CAMTA1: variants seen among roughly 807,000 people sequenced by gnomAD.
CAMTA1 encodes the protein calmodulin-binding transcription activator 1.
In CAMTA1, 27 loss-of-function variants were observed where a neutral mutation model predicts 170.9. The observed-to-expected ratio is 0.16, with a 90% CI of 0.12 to 0.22. CAMTA1 has a LOEUF of 0.22. Ranked by LOEUF, CAMTA1 falls within the 10% of genes least tolerant of loss-of-function variation. The pLI, the probability that CAMTA1 is intolerant of heterozygous loss-of-function variation, is 1.00. For synonymous variants in CAMTA1, 833 were observed against 891.5 expected, an observed-to-expected ratio of 0.93 and a Z score of 1.17; for missense variants, 1,619 against 2,217.2, an observed-to-expected ratio of 0.73 and a Z score of 5.42.
At chr1:7,652,721 G>A (rs563184688) in intron 7 of CAMTA1, among the ~76,000 whole-genome samples, 2 of 152,222 alleles carry the variant, frequency 1.3e-5, no homozygotes, top group African/African-American at 4.8e-5. Flanking sequence ...TGCTGCTCAC[G>A]GCCAGCACCC....
At chr1:7,204,786 G>A (rs1369652866) in intron 4 of CAMTA1, among the ~76,000 whole-genome samples, 2 of 122,012 alleles carry the variant, frequency 1.6e-5, no homozygotes, top group Admixed American at 7.9e-5. Context: ...TATTATTATT[G>A]TTATTATTTT....
chr1:7,724,437 C>G (rs1311838933), intron 11 of CAMTA1, among the ~76,000 whole-genome samples: 1 of 152,084 alleles, frequency 6.6e-6, no homozygotes, highest in Non-Finnish European at 1.5e-5. Flanking sequence ...TAAAATTACT[C>G]GAAAAAATGT....
Position 7,580,844 on chromosome 1 carries a change from T to G in CAMTA1, c.511-59556T>G, listed in dbSNP as rs1243610881. Reference sequence around the variant, plus strand: ...CATCACAAGCCCATCCTTAGAGGGTTCAGAGTCATATGGTGTGAAACACCC... The same window carrying G: ...CATCACAAGCCCATCCTTAGAGGGTGCAGAGTCATATGGTGTGAAACACCC... On this transcript the variant is annotated intron_variant, in intron 6 of 22. Transcript: ENST00000303635. This position sits in a 1 kb window ranked among gnomAD's most constrained non-coding sequence, Gnocchi z 4.3. Among the ~76,000 whole-genome samples, 1 of 152,206 alleles carries G rather than the reference T, an allele frequency of 6.6e-6. No homozygotes were observed. The highest frequency in any genetic ancestry group is 1.5e-5 in the Non-Finnish European group (1 of 68,034).
rs2094718238 is a variant in CAMTA1, at chr1:7,547,792, T to C, written c.510+79891T>C. 6.6e-6 allele frequency among the ~76,000 whole-genome samples: 1 copy of C among 152,060 alleles called. No individual in the cohort carries two copies. Among genetic ancestry groups the C allele is most frequent in the Admixed American group, 6.6e-5 (1 of 15,256 alleles). Reference sequence around the variant, plus strand: ...TTATTCTTCCAACATAATCTCCCTGTACACAACCAGTCTCACATCTCTGCC... The same window carrying C: ...TTATTCTTCCAACATAATCTCCCTGCACACAACCAGTCTCACATCTCTGCC... On this transcript the variant is annotated intron_variant, in intron 6 of 22. Transcript: ENST00000303635. This position sits in a 1 kb window ranked among gnomAD's most constrained non-coding sequence, Gnocchi z 5.7.
At chr1:6,808,656 T>C (rs2148313219) in intron 1 of CAMTA1, among the ~76,000 whole-genome samples, 1 of 152,328 alleles carries the variant, frequency 6.6e-6, no homozygotes, top group Middle Eastern at 3.4e-3. Flanking sequence ...TACTTCTCTT[T>C]CTCTCTCAAT....
chr1:7,497,324 G>T (rs2093845722), intron 6 of CAMTA1, among the ~76,000 whole-genome samples: 1 of 152,054 alleles, frequency 6.6e-6, no homozygotes, highest in Admixed American at 6.5e-5. Context: ...AGCTCACGCA[G>T]GGGGCCAAGC....
rs148849768 is a variant in CAMTA1 at position 6,796,692 on chromosome 1, C to A, written c.45+11117C>A. On this transcript the variant is annotated intron_variant, in intron 1 of 22. Transcript: ENST00000303635. ...TGTATTGGACTTAGGGTGCATCTAC[C>A]CTGGATTGTGCACTCGTGTAGCTGT... Among the ~76,000 whole-genome samples the A allele has an allele frequency of 7.6e-3, 1,152 of 151,986 alleles. 61 individuals are homozygous for A. Among genetic ancestry groups the A allele is most frequent in the Non-Finnish European group, 1.7e-3 (115 of 67,984 alleles).
chr1:7,101,290 C>T (rs1426865237), intron 4 of CAMTA1, among the ~76,000 whole-genome samples: 1 of 152,182 alleles, frequency 6.6e-6, no homozygotes, highest in Non-Finnish European at 1.5e-5. Context: ...TAAATTGTTA[C>T]TCGCTGCCCA....
rs183340097 is a variant in CAMTA1 at position 6,970,482 on chromosome 1, T to G, written c.235-120822T>G. Reference sequence around the variant, plus strand: ...ATCGGTGAGGAGGTAATGGGGGTTCTTGCCAGGCCAGGGACTCTCGGCTTG... The same window carrying G: ...ATCGGTGAGGAGGTAATGGGGGTTCGTGCCAGGCCAGGGACTCTCGGCTTG... On this transcript the variant is annotated intron_variant, in intron 3 of 22. Coordinates refer to ENST00000303635, the MANE Select transcript of CAMTA1 (RefSeq NM_015215.4). This position sits in a 1 kb window ranked among gnomAD's most constrained non-coding sequence, Gnocchi z 4.4. 3.0e-3 allele frequency among the ~76,000 whole-genome samples: 449 copies of G among 152,142 alleles called. No homozygotes were observed. Among genetic ancestry groups the G allele is most frequent in the Non-Finnish European group, 3.6e-3 (246 of 67,978 alleles).
intron 4 of CAMTA1, among the ~76,000 whole-genome samples, chr1:7,103,518 TACACACA>T (rs1391912544): frequency 7.5e-6 from 1 of 132,660 alleles, no homozygotes; most frequent in Non-Finnish European, 1.6e-5. Flanking sequence ...ACTACACACG[TACACACA>T]ACACACAACT....
chr1:6,807,004 G>A (rs932511359), intron 1 of CAMTA1: 5 of 661,418 alleles, frequency 7.6e-6, no homozygotes, highest in East Asian at 5.5e-5. Context: ...GACAGACCCA[G>A]TCTCTGTCCT....
intron 4 of CAMTA1, among the ~76,000 whole-genome samples, chr1:7,117,939 C>T (rs1437528091): frequency 1.3e-5 from 2 of 152,186 alleles, no homozygotes; most frequent in Non-Finnish European, 2.9e-5. Context: ...TCCTACAGAA[C>T]TCCTCTGTTC....
chr1:7,764,153 A>G (rs1483424959), intron 22 of CAMTA1, among the ~76,000 whole-genome samples: 1 of 152,122 alleles, frequency 6.6e-6, no homozygotes, highest in Non-Finnish European at 1.5e-5. Flanking sequence ...TTAGGGACCT[A>G]TAGTGATGTA....
At chr1:7,492,452 G>A (rs1035652908) in intron 6 of CAMTA1, among the ~76,000 whole-genome samples, 2 of 152,138 alleles carry the variant, frequency 1.3e-5, no homozygotes, top group African/African-American at 4.8e-5. Flanking sequence ...CCAGCCCCCG[G>A]GCTGCTCAGG....
chr1:7,335,907 G>C (rs2083354243), intron 5 of CAMTA1, among the ~76,000 whole-genome samples: 1 of 152,306 alleles, frequency 6.6e-6, no homozygotes, highest in Non-Finnish European at 1.5e-5. Context: ...AGCCTGTAAG[G>C]CAGATTGGGT....
intron 5 of CAMTA1, among the ~76,000 whole-genome samples, chr1:7,431,636 G>T (rs2092161003): frequency 1.3e-5 from 2 of 152,156 alleles, no homozygotes; most frequent in Admixed American, 1.3e-4. Flanking sequence ...CCTGCTGGTG[G>T]CCTCTACTTC....
intron 5 of CAMTA1, among the ~76,000 whole-genome samples, chr1:7,425,364 G>A (rs537122570): frequency 6.6e-6 from 1 of 152,256 alleles, no homozygotes; most frequent in South Asian, 2.1e-4. Flanking sequence ...TGGTCTGGGT[G>A]CTCAGGTGGC....
rs372111932 is a variant in CAMTA1 at position 7,093,677 on chromosome 1, G to A, written c.302+2306G>A. On this transcript the variant is annotated intron_variant, in intron 4 of 22. Coordinates refer to ENST00000303635, the MANE Select transcript of CAMTA1 (RefSeq NM_015215.4). This position sits in a 1 kb window ranked among gnomAD's most constrained non-coding sequence, Gnocchi z 4.6. ...AATTGAGAAGGGGATGTCACTCAGGGTCATGCCTGACTCGCATGACTTTCT... is the reference window on the plus strand; with the variant it reads ...AATTGAGAAGGGGATGTCACTCAGGATCATGCCTGACTCGCATGACTTTCT... Among the ~76,000 whole-genome samples, 1 of 152,130 alleles carries A rather than the reference G, an allele frequency of 6.6e-6. No homozygotes were observed. Among genetic ancestry groups the A allele is most frequent in the Non-Finnish European group, 1.5e-5 (1 of 68,016 alleles).
chr1:7,750,919 G>T, intron 19 of CAMTA1: 2 of 574,328 alleles, frequency 3.5e-6, no homozygotes, highest in South Asian at 3.2e-5. Context: ...ACGTCTAAGG[G>T]TATTGCTATT....
Sources: gnomAD v4.1 joint callset for allele counts (sites outside exome capture counted in the v4.1 genomes callset) on GRCh38, gnomAD v4.1.1 for gene constraint, Gnocchi (gnomAD v3.1) non-coding constraint, MANE v1.5 for transcripts, NCBI Gene and HGNC (gene_info 2026-07-23, HGNC 2026-07-21) for gene names.